TOGARAM2: variants seen among roughly 807,000 people sequenced by gnomAD.
TOGARAM2 encodes TOG array regulator of axonemal microtubules 2, also known as TOG array regulator of axonemal microtubules protein 2.
In TOGARAM2, 85 loss-of-function variants were observed where a neutral mutation model predicts 93.3. The observed-to-expected ratio is 0.91, with a 90% CI of 0.76 to 1.09. The LOEUF is 1.09. Ranked by LOEUF, TOGARAM2 falls within the 50% of genes least tolerant of loss-of-function variation. The pLI is 0.00. For missense variants in TOGARAM2, 1,277 were observed against 1,334.5 expected (o/e 0.96, Z 0.67); for synonymous variants, 593 against 552.8 (o/e 1.07, Z -1.02).
At chr2:28,959,969 GCTACAAAC>G (rs1367376261) in intron 1 of TOGARAM2, among the ~76,000 whole-genome samples, 3 of 152,168 alleles carry the variant, frequency 2.0e-5, no homozygotes, top group Non-Finnish European at 4.4e-5. Context: ...TTGTTTCTAG[GCTACAAAC>G]CTGGACAGCA....
At chr2:28,980,215 T>A (rs929690264), upstream of TOGARAM2, among the ~76,000 whole-genome samples, 10 of 152,198 alleles carry the variant, frequency 6.6e-5, no homozygotes, top group Non-Finnish European at 1.3e-4. Flanking sequence ...TTCTCAGTCA[T>A]AATTGGCTGG....
In TOGARAM2 at chr2:29,035,625, A is replaced by G. The variant is rs1666055798; in HGVS notation, c.2387A>G (p.Lys796Arg). The change falls in exon 17 of 20, where the codon AAG (lysine) becomes AGG (arginine). Residue 796 changes from lysine to arginine, a missense_variant. Physicochemically the swap from Lys to Arg is conservative, Grantham distance 26 (BLOSUM62 2). Transcript: ENST00000379558. ...VGQLLELCKAKTELVTAHLVQ... is the reference protein window; with the variant it reads ...VGQLLELCKARTELVTAHLVQ... Reference sequence around the variant, plus strand: ...CAGCTCCTGGAGCTCTGCAAGGCCAAGACGGAGCTTGTCACTGCCCACCTG... The same window carrying G: ...CAGCTCCTGGAGCTCTGCAAGGCCAGGACGGAGCTTGTCACTGCCCACCTG... 2.6e-6 allele frequency: 4 copies of G among 1,539,048 alleles called. No individual in the cohort carries two copies. The highest frequency in any genetic ancestry group is 4.6e-5 in the East Asian group (2 of 43,298).
Position 29,033,019 on chromosome 2 carries a change from T to C in TOGARAM2, c.2098T>C (p.Leu700=). Residue 700 remains leucine (L), a synonymous_variant, in exon 15 of 20, where the codon TTG becomes CTG. Transcript: ENST00000379558. ...FLKQSLPSYD[L]QKVMAAIKQQ... is the part of the protein sequence containing the mutation. Reference sequence around the variant, plus strand: ...GAAGCAATCTCTCCCATCTTACGACTTGCAGAAGGTCATGGCGGCCATTAA... The same window carrying C: ...GAAGCAATCTCTCCCATCTTACGACCTGCAGAAGGTCATGGCGGCCATTAA... 12 of 1,613,866 alleles carry C rather than the reference T, an allele frequency of 7.4e-6. No homozygotes were observed. Among genetic ancestry groups the C allele is most frequent in the Non-Finnish European group, 1.0e-5 (12 of 1,179,834 alleles).
At chr2:29,001,236 C>T (rs7568850) in intron 4 of TOGARAM2, among the ~76,000 whole-genome samples, 56,025 of 151,794 alleles carry the variant, frequency 0.37, 12,854 homozygotes, top group Non-Finnish European at 0.52. Flanking sequence ...ACAGGCTAAC[C>T]ACAACACAAC....
chr2:29,012,556 C>G (rs922316429), intron 7 of TOGARAM2, among the ~76,000 whole-genome samples: 2 of 152,224 alleles, frequency 1.3e-5, no homozygotes, highest in Non-Finnish European at 2.9e-5. Context: ...TCAGTAACCA[C>G]TTCCTCCCCT....
intron 6 of TOGARAM2, among the ~76,000 whole-genome samples, chr2:29,006,237 A>G (rs982826124): frequency 2.2e-5 from 3 of 134,068 alleles, no homozygotes; most frequent in Non-Finnish European, 3.1e-5. Flanking sequence ...GTGTGAAGCC[A>G]TTTGTGGAGT....
At chr2:29,028,515 A>G (rs1197348144) in intron 14 of TOGARAM2, among the ~76,000 whole-genome samples, 1 of 152,102 alleles carries the variant, frequency 6.6e-6, no homozygotes, top group Non-Finnish European at 1.5e-5. Context: ...ATTTTTATCC[A>G]TCTAATGGGT....
intron 6 of TOGARAM2, among the ~76,000 whole-genome samples, chr2:29,008,617 C>G (rs148980399): frequency 6.6e-6 from 1 of 151,884 alleles, no homozygotes; most frequent in African/African-American, 2.4e-5. Context: ...CCACCAGGCC[C>G]GGCTAATTTT....
At chr2:28,969,812 C>CT (rs66931912) in intron 1 of TOGARAM2, among the ~76,000 whole-genome samples, 17,375 of 127,746 alleles carry the variant, frequency 0.14, 2,029 homozygotes, top group East Asian at 0.58. Context: ...GGTTGTCTTC[C>CT]TTTTTTTTTT....
intron 1 of TOGARAM2, among the ~76,000 whole-genome samples, chr2:28,968,312 G>A (rs1221175421): frequency 6.6e-6 from 1 of 151,922 alleles, no homozygotes; most frequent in Admixed American, 6.6e-5. Flanking sequence ...AATTATTATT[G>A]TTTTTATAAC....
upstream of TOGARAM2, among the ~76,000 whole-genome samples, chr2:28,978,915 A>C (rs1043944600): frequency 3.3e-5 from 5 of 152,170 alleles, no homozygotes; most frequent in African/African-American, 1.2e-4. Context: ...GGGTCGATAC[A>C]GGCTTTGTGA....
intron 1 of TOGARAM2, among the ~76,000 whole-genome samples, chr2:28,989,340 CA>C (rs745862659): frequency 5.9e-5 from 9 of 151,734 alleles, no homozygotes; most frequent in Admixed American, 4.6e-4. Context: ...TGTAAGCCGC[CA>C]TACCGGGCCC....
At position 29,033,132 on chromosome 2, in the gene TOGARAM2, CAG is replaced by C. The variant is rs1491496139; in HGVS notation, c.2130+82_2130+83del. ...TGAGCCTGGTAGCCTTCATGTGGGTCAGGGGAGTGGGGAGTGGATTCCAGAGA... is the reference window on the plus strand; with the variant it reads ...TGAGCCTGGTAGCCTTCATGTGGGTCGGGAGTGGGGAGTGGATTCCAGAGA... On this transcript the variant is annotated intron_variant, in intron 15 of 19. Coordinates refer to ENST00000379558, the MANE Select transcript of TOGARAM2 (RefSeq NM_199280.4). The C allele has an allele frequency of 2.6e-6, 3 of 1,162,760 alleles. No homozygotes were observed. In the East Asian group the frequency reaches 7.5e-5, roughly 29 times the overall value. The allele number at this position is 1,162,760 out of a possible 1,614,324, so 72.0% of individuals were successfully genotyped here.
intron 4 of TOGARAM2, 85 bp downstream of exon 4, chr2:28,999,553 C>G: frequency 1.4e-6 from 2 of 1,439,374 alleles, no homozygotes; most frequent in Non-Finnish European, 9.2e-7. Flanking sequence ...GGTCAGCAGG[C>G]TTCCAGGTGG....
chr2:29,048,659 G>A (rs1025325972), intron 19 of TOGARAM2: 3 of 151,296 alleles, frequency 2.0e-5, no homozygotes, highest in Non-Finnish European at 4.4e-5. Context: ...ATGTTGTAGC[G>A]GGTGTCAGAA....
In TOGARAM2 at chr2:29,015,255, CAAT is replaced by C. The variant is rs1397013459; in HGVS notation, c.1044+695_1044+697del. On this transcript the variant is annotated intron_variant, in intron 8 of 19. Transcript: ENST00000379558. ...AGGACCACAGAACAGGAAACACAAA[CAAT>C]GATTCAGTGCAGCGAAACGAGCTGA... Among the ~76,000 whole-genome samples the C allele has an allele frequency of 2.7e-4, 41 of 152,134 alleles. 1 individual carries two copies. The highest frequency in any genetic ancestry group is 2.7e-3 in the Admixed American group (41 of 15,280).
chr2:28,988,072 A>G (rs907286762), intron 1 of TOGARAM2, among the ~76,000 whole-genome samples: 1 of 152,164 alleles, frequency 6.6e-6, no homozygotes, highest in Admixed American at 6.5e-5. Flanking sequence ...ATGCAGGTGG[A>G]GCCATCCAGG....
chr2:29,022,832 G>C (rs531740688), intron 11 of TOGARAM2, among the ~76,000 whole-genome samples: 24 of 152,326 alleles, frequency 1.6e-4, no homozygotes, highest in African/African-American at 4.8e-4. Flanking sequence ...GGTCCTGGAG[G>C]GGGGTGGGCT....
At chr2:29,006,368 G>C (rs1490496604) in intron 6 of TOGARAM2, among the ~76,000 whole-genome samples, 1 of 149,608 alleles carries the variant, frequency 6.7e-6, no homozygotes, top group Non-Finnish European at 1.5e-5. Flanking sequence ...GCATGTGTGT[G>C]CATGTGTATG....
Sources: allele counts gnomAD v4.1 joint callset (sites outside exome capture counted in the v4.1 genomes callset), GRCh38; gene constraint gnomAD v4.1.1; transcripts MANE v1.5; gene names NCBI Gene and HGNC (gene_info 2026-07-23, HGNC 2026-07-21).